The following CHRND variants were observed in gnomAD, a reference collection of about 807,000 sequenced individuals.
CHRND encodes cholinergic receptor nicotinic delta subunit, also known as acetylcholine receptor subunit delta.
Under a neutral mutation model 57.8 loss-of-function variants are expected in CHRND, and 40 were observed. That is an observed-to-expected ratio of 0.69 (90% CI 0.54 to 0.90). The LOEUF is 0.90. Among genes scored for constraint, CHRND ranks in the 40% least tolerant of loss-of-function variants. The pLI is 0.00. For synonymous variants in CHRND, 237 were observed against 270.6 expected, an observed-to-expected ratio of 0.88 and a Z score of 1.22; for missense variants, 634 against 673.9, an observed-to-expected ratio of 0.94 and a Z score of 0.66.
chr2:232,526,355 C>A (rs1691463894), intron 1 of CHRND, 88 bp downstream of exon 1: 15 of 1,529,118 alleles, frequency 9.8e-6, no homozygotes, highest in Non-Finnish European at 1.2e-5. Flanking sequence ...ACTCCACTCC[C>A]ACTCTGCCAT....
chr2:232,526,502 T>C, intron 1 of CHRND, 27 bp from the exon 2 acceptor site: 1 of 1,613,324 alleles, frequency 6.2e-7, no homozygotes. Flanking sequence ...AGGGCCCCAT[T>C]CAGTCCTTGT....
intron 2 of CHRND, among the ~76,000 whole-genome samples, chr2:232,527,161 T>G (rs1217124767): frequency 6.6e-6 from 1 of 151,776 alleles, no homozygotes; most frequent in Non-Finnish European, 1.5e-5. Flanking sequence ...TAGCCGGGTG[T>G]GATGGTGTGG....
intron 4 of CHRND, 46 bp from the exon 5 acceptor site, chr2:232,528,455 T>C: frequency 6.2e-7 from 1 of 1,613,904 alleles, no homozygotes; most frequent in East Asian, 2.2e-5. Context: ...ACTCTGCCAG[T>C]CGTGAGTGGC....
intron 11 of CHRND, 113 bp downstream of exon 11, chr2:232,534,455 G>A: frequency 9.2e-7 from 1 of 1,086,318 alleles, no homozygotes; most frequent in Non-Finnish European, 1.4e-6. Flanking sequence ...CTTAGATGAG[G>A]GAGTTAATGT....
In CHRND at chr2:232,534,009, C is replaced by T. The variant is rs368819172; in HGVS notation, c.1126C>T (p.Arg376Trp). 25 of 1,613,980 alleles carry T rather than the reference C, an allele frequency of 1.5e-5. No homozygotes were observed. The Admixed American group carries it at 3.2e-4, about 20-fold the overall frequency. Residue 376 changes from arginine to tryptophan, a missense_variant, in exon 10 of 12, where the codon CGG becomes TGG. By Grantham distance (101) the Arg-to-Trp change is moderately radical. Coordinates refer to ENST00000258385, the MANE Select transcript of CHRND (RefSeq NM_000751.3). ...TGGACCCAGCCCTGGGGCCCTGGTG[C>T]GGAGGAGCAGCTCCCTGGGATACAT... Reference protein sequence around the residue: ...EDGPSPGALVRRSSSLGYISK... With the variant: ...EDGPSPGALVWRSSSLGYISK...
At chr2:232,533,861 A>C in intron 9 of CHRND, 70 bp from the exon 10 acceptor site, 1 of 1,488,130 alleles carries the variant, frequency 6.7e-7, no homozygotes, top group Non-Finnish European at 9.3e-7. Context: ...TGGTGACAGA[A>C]TGAGACTCCG....
Position 232,529,973 on chromosome 2 carries a change from C to G in CHRND, c.654C>G (p.Ala218=), listed in dbSNP as rs886044061. 6.2e-7 allele frequency: 1 copy of G among 1,614,148 alleles called. No individual in the cohort carries two copies. The highest frequency in any genetic ancestry group is 8.5e-7 in the Non-Finnish European group (1 of 1,180,024). The part of the protein sequence containing the change: ...NGEWEIVHRP[A]RVNVDPRAPL... Reference sequence around the variant, plus strand: ...AGTGGGAGATAGTCCACCGGCCGGCCAGGGTCAACGTGGACCCCAGAGCCC... The same window carrying G: ...AGTGGGAGATAGTCCACCGGCCGGCGAGGGTCAACGTGGACCCCAGAGCCC... The change falls in exon 7 of 12, where the codon GCC becomes GCG. Residue 218 remains alanine, a synonymous_variant. Transcript: ENST00000258385.
In CHRND at chr2:232,528,633, G is replaced by A; in HGVS notation, c.486G>A (p.Trp162Ter). Residue 162 changes from tryptophan (W) to a stop codon, truncating the protein, a stop_gained, in exon 5 of 12, where the codon TGG (tryptophan) becomes TGA (stop). Transcript: ENST00000258385. LOFTEE classifies it high-confidence loss of function. ...PISVTYFPFD[W>*]QNCSLKFSSL... is the part of the protein sequence containing the mutation. ...CTGTCACCTATTTCCCCTTCGACTG[G>A]CAGAACTGCTCCCTCAAGTTCAGGT... is the stretch of plus-strand genomic sequence containing the variant. 3 of 1,614,018 alleles carry A rather than the reference G, an allele frequency of 1.9e-6. No homozygotes were observed. The highest frequency in any genetic ancestry group is 2.5e-6 in the Non-Finnish European group (3 of 1,180,030).
chr2:232,533,822 A>T, intron 9 of CHRND, 109 bp from the exon 10 acceptor site: 1 of 1,120,744 alleles, frequency 8.9e-7, no homozygotes, highest in East Asian at 2.3e-5. Context: ...GGTTGCAGTG[A>T]GCCGAGATCG....
At position 232,529,969 on chromosome 2, in the gene CHRND, C is replaced by T. The variant is rs149439815; in HGVS notation, c.650C>T (p.Pro217Leu). Residue 217 changes from proline to leucine, a missense_variant, in exon 7 of 12, where the codon CCG becomes CTG. By Grantham distance (98) the Pro-to-Leu change is moderately conservative. Transcript: ENST00000258385. ...GGGGAGTGGGAGATAGTCCACCGGC[C>T]GGCCAGGGTCAACGTGGACCCCAGA... is the stretch of plus-strand genomic sequence containing the variant. ...ENGEWEIVHR[P>L]ARVNVDPRAP... 2.0e-5 allele frequency: 33 copies of T among 1,614,004 alleles called. No homozygotes were observed. The highest frequency in any genetic ancestry group is 6.7e-5 in the Admixed American group (4 of 60,004).
At chr2:232,526,425 C>A in intron 1 of CHRND, 104 bp from the exon 2 acceptor site, 2 of 1,580,394 alleles carry the variant, frequency 1.3e-6, no homozygotes, top group Admixed American at 1.7e-5. Flanking sequence ...TTGGGTTCCC[C>A]CCTGCTCATC....
Position 232,536,171 on chromosome 2 carries a change from T to G in CHRND, c.*859T>G. 2.2e-6 allele frequency: 1 copy of G among 454,138 alleles called. No individual in the cohort carries two copies. Among genetic ancestry groups the G allele is most frequent in the South Asian group, 1.6e-5 (1 of 64,482 alleles). 28.1% of individuals were successfully genotyped at this position (454,138 alleles called of 1,614,324 possible). ...GGCCAAAGGCCAAGGCTGCAGGAAT[T>G]GGGAGACAAGGGTCTGTTTGTATGG... On this transcript the variant is annotated 3_prime_UTR_variant, in exon 12 of 12. Transcript: ENST00000258385.
rs781443298 is a variant in CHRND, at chr2:232,528,310, A to G, written c.292A>G (p.Ile98Val). 3.7e-6 allele frequency: 6 copies of G among 1,614,018 alleles called. No homozygotes were observed. Among genetic ancestry groups the G allele is most frequent in the Non-Finnish European group, 5.1e-6 (6 of 1,180,036 alleles). Residue 98 changes from isoleucine (I) to valine (V), a missense_variant, in exon 4 of 12, where the codon ATC becomes GTC. Ile to Val is a conservative substitution (Grantham distance 29, BLOSUM62 3). Transcript: ENST00000258385. Reference protein sequence around the residue: ...LKWNAEEFGNISVLRLPPDMV... With the variant: ...LKWNAEEFGNVSVLRLPPDMV... Reference sequence around the variant, plus strand: ...GTGGAATGCTGAAGAATTTGGAAACATCAGTGTCCTGCGCCTCCCCCCGGA... The same window carrying G: ...GTGGAATGCTGAAGAATTTGGAAACGTCAGTGTCCTGCGCCTCCCCCCGGA...
Position 232,535,450 on chromosome 2 carries a change from C to T in CHRND, c.*138C>T, listed in dbSNP as rs1691853182. 2 of 999,818 alleles carry T rather than the reference C, an allele frequency of 2.0e-6. No homozygotes were observed. The highest frequency in any genetic ancestry group is 3.0e-6 in the Non-Finnish European group (2 of 656,844). 61.9% of individuals were successfully genotyped at this position (999,818 alleles called of 1,614,324 possible). On this transcript the variant is annotated 3_prime_UTR_variant, in exon 12 of 12. Coordinates refer to ENST00000258385, the MANE Select transcript of CHRND (RefSeq NM_000751.3). ...CAAGGAAGGGAGGGAGCAGCCACTCCTCAATGCTCAATGGCTCCCCTGAAA... is the reference window on the plus strand; with the variant it reads ...CAAGGAAGGGAGGGAGCAGCCACTCTTCAATGCTCAATGGCTCCCCTGAAA...
At chr2:232,526,413 G>T (rs1691467070) in intron 1 of CHRND, 116 bp from the exon 2 acceptor site, 1 of 1,560,428 alleles carries the variant, frequency 6.4e-7, no homozygotes, top group Non-Finnish European at 8.8e-7. Context: ...CCCAGGGAGT[G>T]GTTGGGTTCC....
At chr2:232,531,939 C>G (rs1238051636) in intron 9 of CHRND, among the ~76,000 whole-genome samples, 3 of 98,076 alleles carry the variant, frequency 3.1e-5, no homozygotes, top group Non-Finnish European at 3.7e-5. Context: ...AGAGTGAGAC[C>G]TTGTCTCAAA....
rs200290614 is a variant in CHRND, at chr2:232,531,415, T to A, written c.884T>A (p.Ile295Asn). The stretch of plus-strand genomic sequence containing the variant: ...GCTCAGTCTGTCTTCCTGCTGCTCA[T>A]CTCCAAGCGTCTGCCTGCCACATCC... ...LLAQSVFLLL[I>N]SKRLPATSMA... is the part of the protein sequence containing the mutation. Residue 295 changes from isoleucine (I) to asparagine (N), a missense_variant, in exon 8 of 12, where the codon ATC becomes AAC. Coordinates refer to ENST00000258385, the MANE Select transcript of CHRND (RefSeq NM_000751.3). The A allele has an allele frequency of 1.2e-6, 2 of 1,613,704 alleles. No homozygotes were observed. Among genetic ancestry groups the A allele is most frequent in the East Asian group, 4.5e-5 (2 of 44,880 alleles).
chr2:232,533,205 G>A (rs1162345425), intron 9 of CHRND, among the ~76,000 whole-genome samples: 1 of 152,066 alleles, frequency 6.6e-6, no homozygotes, highest in Non-Finnish European at 1.5e-5. Flanking sequence ...ATTTTTAGTA[G>A]CGATGGGTTT....
intron 2 of CHRND, among the ~76,000 whole-genome samples, chr2:232,527,071 G>T (rs1377247404): frequency 6.6e-6 from 1 of 152,120 alleles, no homozygotes; most frequent in Non-Finnish European, 1.5e-5. Flanking sequence ...GGCCCAGGTG[G>T]GTGGATCACC....
Sources: allele counts gnomAD v4.1 joint callset (sites outside exome capture counted in the v4.1 genomes callset), GRCh38; gene constraint gnomAD v4.1.1; transcripts MANE v1.5; gene names NCBI Gene and HGNC (gene_info 2026-07-23, HGNC 2026-07-21).